SCARB1: variants seen among roughly 807,000 people sequenced by gnomAD.
SCARB1 encodes scavenger receptor class B member 1.
SCARB1 carries 30 observed loss-of-function variants against 57.2 expected under a neutral mutation model. That is an observed-to-expected ratio of 0.52 (90% CI 0.39 to 0.71). The LOEUF (loss-of-function observed/expected upper bound fraction) is 0.71, where lower values mean the gene tolerates loss of function less well. SCARB1 is among the 30% of genes least tolerant of loss of function. The pLI is 0.00. For synonymous variants in SCARB1, 249 were observed against 268.3 expected (o/e 0.93, Z 0.70); for missense variants, 543 against 671.2 (o/e 0.81, Z 2.11).
At chr12:124,840,113 C>A in intron 1 of SCARB1, 1 of 1,232,452 alleles carries the variant, frequency 8.1e-7, no homozygotes, top group Non-Finnish European at 1.1e-6. Flanking sequence ...GAGTGTGTCT[C>A]ACTGATTCTC....
chr12:124,810,372 A>C lies in SCARB1; in HGVS notation c.727-83T>G. The C allele has an allele frequency of 3.3e-6, 3 of 918,238 alleles. No homozygotes were observed. The highest frequency in any genetic ancestry group is 5.4e-6 in the Non-Finnish European group (3 of 555,784). 56.9% of individuals were successfully genotyped at this position (918,238 alleles called of 1,614,324 possible). The stretch of plus-strand genomic sequence containing the variant: ...CTCTCAGGTGCTGCACACCTAACTC[A>C]CCCTGGTGCACGCACGGCCACTCAA... On this transcript the variant is annotated intron_variant, in intron 5 of 12. Transcript: ENST00000261693. This position sits in a 1 kb window ranked among gnomAD's most constrained non-coding sequence, Gnocchi z 4.0.
chr12:124,828,357 A>C (rs566566948), intron 1 of SCARB1, among the ~76,000 whole-genome samples: 73 of 152,212 alleles, frequency 4.8e-4, no homozygotes, highest in South Asian at 8.3e-4. Flanking sequence ...ACCTCGGCCT[A>C]CAGTGAGGCT....
chr12:124,812,021 C>T lies in SCARB1; in HGVS notation c.631-56G>A, dbSNP rs1441021424. On this transcript the variant is annotated intron_variant, in intron 4 of 12. Transcript: ENST00000261693. The surrounding 1 kb of genome is among the most constrained non-coding windows in gnomAD (Gnocchi z 4.3). ...GGCTTAGGCCTGCCATTGAGCCGGC[C>T]TGGTCTGAACATTCTGGGCTGAGCC... 7.4e-7 allele frequency: 1 copy of T among 1,360,390 alleles called. No homozygotes were observed. The highest frequency in any genetic ancestry group is 1.9e-5 in the Admixed American group (1 of 53,094). The allele number at this position is 1,360,390 out of a possible 1,614,324, so 84.3% of individuals were successfully genotyped here.
In SCARB1 at chr12:124,798,023, C is replaced by T. The variant is rs554602323; in HGVS notation, c.1128+2101G>A. 1.7e-3 allele frequency among the ~76,000 whole-genome samples: 256 copies of T among 152,320 alleles called. 1 individual carries two copies. Among genetic ancestry groups the T allele is most frequent in the African/African-American group, 6.0e-3 (250 of 41,578 alleles). ...AGGGGCACTCCCATGTACGCTGTGG[C>T]CAAGATACGGAATCAAGCGAAGTGT... On this transcript the variant is annotated intron_variant, in intron 8 of 12. Coordinates refer to ENST00000261693, the MANE Select transcript of SCARB1 (RefSeq NM_005505.5).
chr12:124,833,343 C>T (rs1487271848), intron 1 of SCARB1, among the ~76,000 whole-genome samples: 1 of 152,074 alleles, frequency 6.6e-6, no homozygotes, highest in Admixed American at 6.6e-5. Flanking sequence ...GCATACACCA[C>T]CACGCCTGGC....
chr12:124,852,580 G>A (rs989816516), intron 1 of SCARB1, among the ~76,000 whole-genome samples: 1 of 152,248 alleles, frequency 6.6e-6, no homozygotes, highest in African/African-American at 2.4e-5. Flanking sequence ...TTAGCCCAAG[G>A]TCCTACGCTA....
intron 1 of SCARB1, among the ~76,000 whole-genome samples, chr12:124,861,097 G>A (rs10744183): frequency 0.67 from 101,960 of 151,878 alleles, 34,322 homozygotes; most frequent in Admixed American, 0.72. Context: ...TTTTTTTTAC[G>A]AGCAAGTATT....
intron 7 of SCARB1, among the ~76,000 whole-genome samples, chr12:124,804,891 C>T (rs1950269378): frequency 6.6e-6 from 1 of 152,186 alleles, no homozygotes; most frequent in South Asian, 2.1e-4. Flanking sequence ...TGACCTTGGT[C>T]GCATCCAGCA....
rs527373083 is a variant in SCARB1 at position 124,793,739 on chromosome 12, G to T, written c.1202+1456C>A. On this transcript the variant is annotated intron_variant, in intron 9 of 12. Transcript: ENST00000261693. ...AGAATGGGGATGGGGGGCAGAGGCTGTGCAAGTCTGACTGTTCCTCAAACG... is the reference window on the plus strand; with the variant it reads ...AGAATGGGGATGGGGGGCAGAGGCTTTGCAAGTCTGACTGTTCCTCAAACG... Among the ~76,000 whole-genome samples the T allele has an allele frequency of 1.6e-3, 243 of 151,114 alleles. 1 individual carries two copies. The highest frequency in any genetic ancestry group is 5.8e-3 in the African/African-American group (237 of 41,180).
intron 1 of SCARB1, among the ~76,000 whole-genome samples, chr12:124,844,388 G>A (rs537822632): frequency 5.3e-5 from 8 of 152,222 alleles, no homozygotes; most frequent in South Asian, 2.1e-4. Flanking sequence ...AGCTCCCTCG[G>A]TCCTCACTGA....
rs1949518743 is a variant in SCARB1, at chr12:124,786,373, C to T, written c.1385G>A (p.Cys462Tyr). ...GCVLLLVPVI[C>Y]QIRSQEKCYL... Reference sequence around the variant, plus strand: ...AGCACCTACTTGGCTCCGGATTTGGCAGATGACAGGGACCAGCAGCAGGAC... The same window carrying T: ...AGCACCTACTTGGCTCCGGATTTGGTAGATGACAGGGACCAGCAGCAGGAC... Residue 462 changes from cysteine to tyrosine, a missense_variant, in exon 11 of 13, where the codon TGC becomes TAC. Transcript: ENST00000261693. 1.2e-6 allele frequency: 2 copies of T among 1,613,914 alleles called. No homozygotes were observed. The highest frequency in any genetic ancestry group is 1.3e-5 in the African/African-American group (1 of 74,936).
chr12:124,799,335 G>C (rs940155845), intron 8 of SCARB1, among the ~76,000 whole-genome samples: 1 of 151,988 alleles, frequency 6.6e-6, no homozygotes, highest in African/African-American at 2.4e-5. Flanking sequence ...GACCAGACTG[G>C]GCAACATGGC....
chr12:124,836,694 T>C (rs1468774626), intron 1 of SCARB1, among the ~76,000 whole-genome samples: 1 of 152,162 alleles, frequency 6.6e-6, no homozygotes, highest in African/African-American at 2.4e-5. Context: ...CGTGGAAGGC[T>C]GAGGCAGGAG....
In SCARB1 at chr12:124,807,981, A is replaced by G; in HGVS notation, c.843-54T>C. On this transcript the variant is annotated intron_variant, in intron 6 of 12. Transcript: ENST00000261693. This position sits in a 1 kb window ranked among gnomAD's most constrained non-coding sequence, Gnocchi z 5.3. The stretch of plus-strand genomic sequence containing the variant: ...ACACCCAGACCCGGCGGCCAGAGCC[A>G]GGCCCTGCCAAAGGCTGCCCAGATC... 6.3e-7 allele frequency: 1 copy of G among 1,583,568 alleles called. No individual in the cohort carries two copies. Among genetic ancestry groups the G allele is most frequent in the Non-Finnish European group, 8.7e-7 (1 of 1,154,032 alleles).
chr12:124,863,153 G>A (rs1952970742), intron 1 of SCARB1, among the ~76,000 whole-genome samples: 1 of 152,220 alleles, frequency 6.6e-6, no homozygotes, highest in African/African-American at 2.4e-5. Flanking sequence ...GGGCTCACAG[G>A]ATACAAGCAA....
At chr12:124,845,416 C>T (rs1037767214) in intron 1 of SCARB1, among the ~76,000 whole-genome samples, 69 of 152,084 alleles carry the variant, frequency 4.5e-4, no homozygotes, top group Non-Finnish European at 4.4e-4. Flanking sequence ...TGTGCAGGGC[C>T]GGGCACGGTG....
At chr12:124,853,454 GTGCAATCTCGGCTCAC>G (rs1457780505) in intron 1 of SCARB1, among the ~76,000 whole-genome samples, 1 of 149,110 alleles carries the variant, frequency 6.7e-6, no homozygotes, top group Non-Finnish European at 1.5e-5. Context: ...GAGTGCAATG[GTGCAATCTCGGCTCAC>G]TGCAACCTCC....
At chr12:124,827,365 C>T (rs1168091183) in intron 1 of SCARB1, among the ~76,000 whole-genome samples, 1 of 152,168 alleles carries the variant, frequency 6.6e-6, no homozygotes, top group Non-Finnish European at 1.5e-5. Context: ...CTTTCTCATA[C>T]AACGTCTGGA....
chr12:124,849,453 C>T (rs1377458931), intron 1 of SCARB1, among the ~76,000 whole-genome samples: 4 of 152,202 alleles, frequency 2.6e-5, no homozygotes, highest in East Asian at 1.9e-4. Context: ...CCAGTCCTGC[C>T]GCCAGGATGT....
Sources: allele counts gnomAD v4.1 joint callset (sites outside exome capture counted in the v4.1 genomes callset), GRCh38; gene constraint gnomAD v4.1.1; non-coding constraint Gnocchi (gnomAD v3.1); transcripts MANE v1.5; gene names NCBI Gene and HGNC (gene_info 2026-07-23, HGNC 2026-07-21).